RBFOX2: variants seen among roughly 807,000 people sequenced by gnomAD.
RBFOX2 encodes the protein RNA binding protein fox-1 homolog 2.
Under a neutral mutation model 49.1 loss-of-function variants are expected in RBFOX2, and 10 were observed. That is an observed-to-expected ratio of 0.20 (90% CI 0.13 to 0.35). The LOEUF is 0.35. Ranked by LOEUF, RBFOX2 falls within the 10% of genes least tolerant of loss-of-function variation. The pLI is 1.00. For missense variants in RBFOX2, 323 were observed against 486.9 expected, an observed-to-expected ratio of 0.66 and a Z score of 3.17; for synonymous variants, 183 against 187.4, an observed-to-expected ratio of 0.98 and a Z score of 0.19.
intron 1 of RBFOX2, among the ~76,000 whole-genome samples, chr22:35,825,091 G>C (rs760725035): frequency 1.4e-4 from 21 of 152,190 alleles, no homozygotes; most frequent in Non-Finnish European, 2.9e-4. Flanking sequence ...ATGGTGGCAT[G>C]TGCCTGTAGT....
chr22:35,959,157 G>A (rs2055923994), intron 1 of RBFOX2, among the ~76,000 whole-genome samples: 1 of 152,192 alleles, frequency 6.6e-6, no homozygotes, highest in Non-Finnish European at 1.5e-5. Context: ...GGAAAAGCCA[G>A]TGACATATGC....
At chr22:35,786,102 A>G (rs555886743) in intron 2 of RBFOX2, among the ~76,000 whole-genome samples, 1 of 152,326 alleles carries the variant, frequency 6.6e-6, no homozygotes, top group African/African-American at 2.4e-5. Context: ...ACTTTTACAT[A>G]TAACTTTATA....
chr22:35,857,499 A>C (rs1409805832), intron 1 of RBFOX2, among the ~76,000 whole-genome samples: 1 of 152,270 alleles, frequency 6.6e-6, no homozygotes, highest in Non-Finnish European at 1.5e-5. Flanking sequence ...AACACTGCTA[A>C]TACAGACAAA....
At chr22:35,793,008 C>T (rs1428372611) in intron 2 of RBFOX2, among the ~76,000 whole-genome samples, 2 of 152,236 alleles carry the variant, frequency 1.3e-5, no homozygotes, top group East Asian at 1.9e-4. Flanking sequence ...AAGAGATTTA[C>T]AGGCCTAAGC....
At chr22:35,872,772 C>T (rs2044524326) in intron 1 of RBFOX2, among the ~76,000 whole-genome samples, 1 of 152,180 alleles carries the variant, frequency 6.6e-6, no homozygotes, top group African/African-American at 2.4e-5. Context: ...CATCTGGCTG[C>T]CTGTATGTCT....
At chr22:35,893,743 T>G (rs1354076321) in intron 1 of RBFOX2, among the ~76,000 whole-genome samples, 8 of 152,204 alleles carry the variant, frequency 5.3e-5, no homozygotes, top group Non-Finnish European at 1.2e-4. Flanking sequence ...ACATCTTCTG[T>G]GAACAAGCTC....
intron 1 of RBFOX2, among the ~76,000 whole-genome samples, chr22:35,884,481 G>C (rs2046322543): frequency 2.6e-5 from 4 of 152,114 alleles, no homozygotes; most frequent in Admixed American, 2.6e-4. Flanking sequence ...TGACTATCAA[G>C]GATCCACCAC....
At chr22:35,930,876 A>G (rs1268478616) in intron 1 of RBFOX2, among the ~76,000 whole-genome samples, 1 of 152,184 alleles carries the variant, frequency 6.6e-6, no homozygotes, top group Non-Finnish European at 1.5e-5. Flanking sequence ...TCTCATCTTC[A>G]ACAGTAGGAA....
In RBFOX2 at chr22:35,961,561, A is replaced by G. The variant is rs1312521779; in HGVS notation, c.42+2T>C. On this transcript the variant is annotated splice_donor_variant, in intron 1 of 5. Coordinates refer to the RBFOX2 transcript ENST00000408983. LOFTEE classifies it high-confidence loss of function. ...CCCCCACACACCCAACTCCCCACCAACCTCACAGGGGTTCCTGGGCTGGTC... is the reference window on the plus strand; with the variant it reads ...CCCCCACACACCCAACTCCCCACCAGCCTCACAGGGGTTCCTGGGCTGGTC... The G allele has an allele frequency of 3.1e-6, 4 of 1,303,612 alleles. No homozygotes were observed. The highest frequency in any genetic ancestry group is 1.2e-5 in the South Asian group (1 of 80,964). The allele number at this position is 1,303,612 out of a possible 1,614,324, so 80.8% of individuals were successfully genotyped here.
At chr22:35,761,372 T>C (rs751145214) in intron 7 of RBFOX2, 43 bp downstream of exon 8, 2 of 1,612,770 alleles carry the variant, frequency 1.2e-6, no homozygotes, top group South Asian at 1.1e-5. Flanking sequence ...CAGATGCTAT[T>C]ACAATTAAAT....
chr22:35,977,722 C>CTATAGATA lies in RBFOX2; in HGVS notation c.187-38826_187-38825insTATCTATA, dbSNP rs1289842750. 4.1e-3 allele frequency among the ~76,000 whole-genome samples: 330 copies of CTATAGATA among 80,866 alleles called. 12 individuals are homozygous for CTATAGATA. The highest frequency in any genetic ancestry group is 0.013 in the African/African-American group (268 of 21,084). The allele number at this position is 80,866 out of a possible 152,430, so 53.1% of individuals were successfully genotyped here. On this transcript the variant is annotated intron_variant, in intron 1 of 13. Coordinates refer to the RBFOX2 transcript ENST00000438146. ...TGCATGTAAATTATACCTGAATGAA[C>CTATAGATA]TATATATATATATATATATATATAT...
chr22:35,837,997 C>A (rs1486772066), intron 1 of RBFOX2, among the ~76,000 whole-genome samples: 3 of 152,124 alleles, frequency 2.0e-5, no homozygotes, highest in Non-Finnish European at 4.4e-5. Flanking sequence ...TTCCAAGAGG[C>A]AATAGAAAAC....
upstream of RBFOX2, among the ~76,000 whole-genome samples, chr22:35,941,952 C>G (rs529706930): frequency 2.2e-4 from 33 of 152,188 alleles, no homozygotes; most frequent in Admixed American, 2.2e-3. Context: ...ATTAATTTTG[C>G]GTGATTTTGA....
At chr22:35,899,637 T>A (rs1405228703) in intron 1 of RBFOX2, among the ~76,000 whole-genome samples, 1 of 151,250 alleles carries the variant, frequency 6.6e-6, no homozygotes, top group Non-Finnish European at 1.5e-5. Flanking sequence ...TTATTTCCAA[T>A]TATCAAAGTC....
chr22:35,745,630 C>T (rs1413898549), intron 11 of RBFOX2, among the ~76,000 whole-genome samples: 1 of 152,178 alleles, frequency 6.6e-6, no homozygotes, highest in Non-Finnish European at 1.5e-5. Context: ...AACATTTGAA[C>T]CAATAGAAAA....
intron 1 of RBFOX2, among the ~76,000 whole-genome samples, chr22:35,851,070 G>A (rs141118564): frequency 2.4e-4 from 37 of 152,280 alleles, no homozygotes; most frequent in African/African-American, 8.7e-4. Flanking sequence ...GTATTACCAT[G>A]CCCTCCATGC....
chr22:35,814,312 T>C (rs1244674829), intron 1 of RBFOX2, among the ~76,000 whole-genome samples: 1 of 152,034 alleles, frequency 6.6e-6, no homozygotes, highest in African/African-American at 2.4e-5. Context: ...TATAACCTAC[T>C]TACACACATC....
intron 1 of RBFOX2, among the ~76,000 whole-genome samples, chr22:35,985,729 G>C (rs1001647012): frequency 6.6e-6 from 1 of 152,076 alleles, no homozygotes; most frequent in Non-Finnish European, 1.5e-5. Flanking sequence ...AAGAAAAACA[G>C]TTAAAGAGGA....
chr22:35,789,369 CCT>C (rs1409867881), intron 2 of RBFOX2, among the ~76,000 whole-genome samples: 1 of 151,914 alleles, frequency 6.6e-6, no homozygotes, highest in African/African-American at 2.4e-5. Flanking sequence ...ATGGTGAAAC[CCT>C]GTTTCTACTA....
Sources: gnomAD v4.1 joint callset for allele counts (sites outside exome capture counted in the v4.1 genomes callset) on GRCh38, gnomAD v4.1.1 for gene constraint, MANE v1.5 for transcripts, NCBI Gene and HGNC (gene_info 2026-07-23, HGNC 2026-07-21) for gene names.